The following PEX5L variants were observed in gnomAD, a reference collection of about 807,000 sequenced individuals.
The protein encoded by PEX5L is peroxisomal biogenesis factor 5 like.
PEX5L carries 30 observed loss-of-function variants against 84.0 expected under a neutral mutation model. The ratio of observed to expected loss-of-function variants is 0.36; its 90% CI spans 0.27 to 0.48. PEX5L has a LOEUF of 0.48. Ranked by LOEUF, PEX5L falls within the 20% of genes least tolerant of loss-of-function variation. PEX5L has a pLI of 0.99. For synonymous variants in PEX5L, 270 were observed against 283.1 expected (o/e 0.95, Z 0.46); for missense variants, 533 against 754.6 (o/e 0.71, Z 3.44).
intron 8 of PEX5L, among the ~76,000 whole-genome samples, chr3:179,843,772 T>C (rs1738185430): frequency 6.6e-6 from 1 of 152,242 alleles, no homozygotes; most frequent in Non-Finnish European, 1.5e-5. Flanking sequence ...TGGGAAAGGC[T>C]TTCTGGGAAG....
chr3:179,942,599 C>T (rs1361879782), intron 2 of PEX5L, among the ~76,000 whole-genome samples: 1 of 152,182 alleles, frequency 6.6e-6, no homozygotes, highest in Non-Finnish European at 1.5e-5. Context: ...CTCTCTCGAC[C>T]CAGGCGCATG....
intron 2 of PEX5L, among the ~76,000 whole-genome samples, chr3:179,947,710 C>CTT (rs34097310): frequency 0.013 from 1,872 of 139,330 alleles, 68 homozygotes; most frequent in African/African-American, 0.044. Context: ...AAAAAAGTTA[C>CTT]TTTTTTTTTT....
chr3:179,952,269 G>A (rs1175938752), intron 2 of PEX5L, among the ~76,000 whole-genome samples: 1 of 152,098 alleles, frequency 6.6e-6, no homozygotes, highest in Non-Finnish European at 1.5e-5. Flanking sequence ...TATACCCACT[G>A]AATTTTATTT....
chr3:179,962,705 G>A (rs751660880), intron 2 of PEX5L, among the ~76,000 whole-genome samples: 4 of 152,036 alleles, frequency 2.6e-5, no homozygotes, highest in Admixed American at 1.3e-4. Context: ...AAATAAGTAC[G>A]GCAACACTCC....
At chr3:179,855,482 A>T (rs1006077289) in intron 8 of PEX5L, among the ~76,000 whole-genome samples, 5 of 152,230 alleles carry the variant, frequency 3.3e-5, no homozygotes, top group African/African-American at 1.2e-4. Flanking sequence ...AACATAATAC[A>T]TCTTTATGAA....
At chr3:180,024,431 G>C (rs1404520326) in intron 1 of PEX5L, among the ~76,000 whole-genome samples, 1 of 145,738 alleles carries the variant, frequency 6.9e-6, no homozygotes, top group Non-Finnish European at 1.5e-5. Flanking sequence ...TGTAGTCCCA[G>C]ATACTCAGGA....
chr3:179,923,465 G>A (rs931024018), intron 2 of PEX5L, among the ~76,000 whole-genome samples: 4 of 152,130 alleles, frequency 2.6e-5, no homozygotes, highest in Non-Finnish European at 5.9e-5. Context: ...AGCAGCCTCA[G>A]CATCAGCATC....
chr3:179,968,639 G>A (rs1783947803), intron 2 of PEX5L, among the ~76,000 whole-genome samples: 1 of 151,834 alleles, frequency 6.6e-6, no homozygotes. Context: ...AAACCTTGGA[G>A]ATTTCTGGTG....
intron 1 of PEX5L, among the ~76,000 whole-genome samples, chr3:180,001,258 A>G (rs1788377680): frequency 6.6e-6 from 1 of 151,654 alleles, no homozygotes; most frequent in Admixed American, 6.6e-5. Context: ...CTCAGCTTGC[A>G]GATGGCCAAT....
At chr3:180,036,305 C>T (rs552827920) in intron 1 of PEX5L, among the ~76,000 whole-genome samples, 8 of 152,128 alleles carry the variant, frequency 5.3e-5, no homozygotes, top group African/African-American at 1.4e-4. Context: ...TCCTCTGTTT[C>T]GATTCCTTGA....
intron 2 of PEX5L, among the ~76,000 whole-genome samples, chr3:179,938,990 A>T (rs1775350114): frequency 6.6e-6 from 1 of 152,166 alleles, no homozygotes; most frequent in South Asian, 2.1e-4. Context: ...ATAAAACACG[A>T]GCCCTGAAAG....
rs1365650061 is a variant in PEX5L, at chr3:179,801,769, T to C, written c.*59A>G. On this transcript the variant is annotated 3_prime_UTR_variant, in exon 15 of 15. Coordinates refer to ENST00000467460, the MANE Select transcript of PEX5L (RefSeq NM_016559.3). The stretch of plus-strand genomic sequence containing the variant: ...TTTGAAATTCATAATAAAATAGTTT[T>C]TGATTTTTCAGTACAATCACACAGA... The C allele has an allele frequency of 9.0e-7, 1 of 1,109,494 alleles. No homozygotes were observed. The highest frequency in any genetic ancestry group is 1.7e-5 in the Admixed American group (1 of 57,302). The allele number at this position is 1,109,494 out of a possible 1,614,324, so 68.7% of individuals were successfully genotyped here.
chr3:180,001,128 A>G (rs1396949918), intron 1 of PEX5L, among the ~76,000 whole-genome samples: 1 of 152,040 alleles, frequency 6.6e-6, no homozygotes, highest in Non-Finnish European at 1.5e-5. Flanking sequence ...GGAAAATGTG[A>G]AAAGACTAGA....
intron 2 of PEX5L, among the ~76,000 whole-genome samples, chr3:179,961,820 T>C (rs976340837): frequency 6.6e-6 from 1 of 152,178 alleles, no homozygotes; most frequent in Non-Finnish European, 1.5e-5. Flanking sequence ...GCATGGTTCA[T>C]TAGACAAAAG....
chr3:179,816,032 G>A, intron 9 of PEX5L, 28 bp from the exon 10 acceptor site: 2 of 1,607,962 alleles, frequency 1.2e-6, no homozygotes, highest in Non-Finnish European at 1.7e-6. Context: ...GCCAGTGCAT[G>A]AGCCATTGAT....
chr3:179,836,502 G>A (rs1451170037), intron 8 of PEX5L, among the ~76,000 whole-genome samples: 2 of 152,108 alleles, frequency 1.3e-5, no homozygotes, highest in Non-Finnish European at 2.9e-5. Flanking sequence ...TGATTTATTT[G>A]ACCTTTTGAG....
intron 8 of PEX5L, among the ~76,000 whole-genome samples, chr3:179,838,811 C>T (rs957331323): frequency 1.3e-5 from 2 of 152,018 alleles, no homozygotes; most frequent in Admixed American, 1.3e-4. Context: ...ATTTAGCCAT[C>T]TATTGATTGT....
intron 8 of PEX5L, among the ~76,000 whole-genome samples, chr3:179,838,244 G>A (rs1387391883): frequency 6.6e-6 from 1 of 151,978 alleles, no homozygotes; most frequent in African/African-American, 2.4e-5. Context: ...ATAACAATTT[G>A]AGAAAAGGAA....
intron 8 of PEX5L, among the ~76,000 whole-genome samples, chr3:179,851,197 T>C (rs141784436): frequency 1.3e-5 from 2 of 152,328 alleles, no homozygotes; most frequent in African/African-American, 4.8e-5. Flanking sequence ...ATAACAAAAA[T>C]TCCATAAACT....
Sources: allele counts gnomAD v4.1 joint callset (sites outside exome capture counted in the v4.1 genomes callset), GRCh38; gene constraint gnomAD v4.1.1; transcripts MANE v1.5; gene names NCBI Gene and HGNC (gene_info 2026-07-23, HGNC 2026-07-21).